Variants in SUPT3H observed in about 807,000 individuals in gnomAD.
The protein encoded by SUPT3H is SPT3 homolog, SAGA and STAGA complex component, also known as transcription initiation protein SPT3 homolog.
In SUPT3H, 44 loss-of-function variants were observed where a neutral mutation model predicts 44.3. The observed-to-expected ratio is 0.99, with a 90% CI of 0.78 to 1.28. SUPT3H has a LOEUF of 1.28. Among genes scored for constraint, SUPT3H ranks in the 50% most tolerant of loss-of-function variants. The probability of loss-of-function intolerance (pLI) is 0.00; values close to 1 mark genes in which losing one functional copy is unlikely to be tolerated. For missense variants in SUPT3H, 380 were observed against 387.1 expected, an observed-to-expected ratio of 0.98 and a Z score of 0.15; for synonymous variants, 124 against 125.6, an observed-to-expected ratio of 0.99 and a Z score of 0.09.
At chr6:44,917,552 T>C (rs1768006560) in intron 10 of SUPT3H, among the ~76,000 whole-genome samples, 1 of 152,164 alleles carries the variant, frequency 6.6e-6, no homozygotes, top group Admixed American at 6.5e-5. Context: ...GCCATGACTG[T>C]CTAAACATGC....
intron 6 of SUPT3H, among the ~76,000 whole-genome samples, chr6:45,000,690 C>T (rs1781899381): frequency 6.6e-6 from 1 of 152,060 alleles, no homozygotes. Context: ...TTTAAGCTGC[C>T]TTAAATGTTA....
At chr6:45,289,969 G>A (rs1188683321) in intron 2 of SUPT3H, among the ~76,000 whole-genome samples, 2 of 152,152 alleles carry the variant, frequency 1.3e-5, no homozygotes, top group African/African-American at 2.4e-5. Flanking sequence ...GACTGCTTGA[G>A]CCCAGGAGTT....
intron 10 of SUPT3H, among the ~76,000 whole-genome samples, chr6:44,906,143 T>C (rs1452999928): frequency 6.6e-6 from 1 of 152,222 alleles, no homozygotes; most frequent in Non-Finnish European, 1.5e-5. Context: ...CTGCACATTG[T>C]GCACATGTAC....
chr6:45,177,168 T>C (rs1812104258), intron 2 of SUPT3H, among the ~76,000 whole-genome samples: 1 of 152,090 alleles, frequency 6.6e-6, no homozygotes, highest in South Asian at 2.1e-4. Context: ...TTGAAAACTT[T>C]GAAAAAAATT....
intron 2 of SUPT3H, among the ~76,000 whole-genome samples, chr6:45,306,392 T>C (rs1418256845): frequency 1.3e-5 from 2 of 152,198 alleles, no homozygotes; most frequent in South Asian, 2.1e-4. Context: ...TATTGGCCAC[T>C]GAGCATCCCT....
Position 44,955,076 on chromosome 6 carries a change from C to G in SUPT3H, c.581-469G>C, listed in dbSNP as rs148404313. 5.8e-4 allele frequency: 93 copies of G among 159,414 alleles called. 2 individuals carry two copies. The East Asian group carries it at 0.016, about 27-fold the overall frequency. The allele number at this position is 159,414 out of a possible 1,614,324, so 9.9% of individuals were successfully genotyped here. A position where few individuals can be genotyped will look rare whatever the true frequency, so the allele number is the denominator to read the frequency against. On this transcript the variant is annotated intron_variant, in intron 7 of 10. Coordinates refer to ENST00000371459, the MANE Select transcript of SUPT3H (RefSeq NM_003599.4). Reference sequence around the variant, plus strand: ...TGCTAATATTTTTCAAAAATATTCTCTAGTCTCAGAAGAAAATGGCACATA... The same window carrying G: ...TGCTAATATTTTTCAAAAATATTCTGTAGTCTCAGAAGAAAATGGCACATA...
Position 45,334,940 on chromosome 6 carries a change from C to G in SUPT3H, c.101+30261G>C, listed in dbSNP as rs191858272. On this transcript the variant is annotated intron_variant, in intron 2 of 10. Coordinates refer to ENST00000371459, the MANE Select transcript of SUPT3H (RefSeq NM_003599.4). ...TTATAAAATCCAAAGATGTTATTTT[C>G]CAGTTATAAACTTAAGTAACAATAA... Among the ~76,000 whole-genome samples, 24 of 151,210 alleles carry G rather than the reference C, an allele frequency of 1.6e-4. No homozygotes were observed. In the East Asian group the frequency reaches 3.7e-3, roughly 23 times the overall value.
intron 2 of SUPT3H, among the ~76,000 whole-genome samples, chr6:45,236,963 C>CA (rs1769285002): frequency 1.3e-5 from 2 of 152,146 alleles, no homozygotes. Context: ...CAAGTACAAA[C>CA]AGGAGTCATT....
intron 10 of SUPT3H, among the ~76,000 whole-genome samples, chr6:44,890,620 AGG>A (rs1332170435): frequency 2.5e-5 from 1 of 40,704 alleles, no homozygotes. Flanking sequence ...GGGGTGGGGG[AGG>A]GGGGAGGGAT....
At chr6:45,232,784 G>C (rs890390680) in intron 2 of SUPT3H, among the ~76,000 whole-genome samples, 4 of 152,084 alleles carry the variant, frequency 2.6e-5, no homozygotes, top group Non-Finnish European at 5.9e-5. Context: ...ATAAGGGTTA[G>C]GGGGAGGCAC....
chr6:45,238,415 C>A (rs577295898), intron 2 of SUPT3H, among the ~76,000 whole-genome samples: 42 of 152,292 alleles, frequency 2.8e-4, no homozygotes, highest in African/African-American at 9.6e-4. Flanking sequence ...TTGGATATGA[C>A]CTGCTCTAGG....
chr6:44,842,135 T>G (rs1214073812), intron 10 of SUPT3H, among the ~76,000 whole-genome samples: 1 of 152,164 alleles, frequency 6.6e-6, no homozygotes, highest in Non-Finnish European at 1.5e-5. Context: ...GTGTGGGTGC[T>G]GAAATTGTGT....
At chr6:44,855,476 T>C (rs1352281206) in intron 10 of SUPT3H, among the ~76,000 whole-genome samples, 1 of 152,184 alleles carries the variant, frequency 6.6e-6, no homozygotes, top group Non-Finnish European at 1.5e-5. Context: ...ATTCATAGAA[T>C]GGTTTCTTCA....
intron 9 of SUPT3H, among the ~76,000 whole-genome samples, chr6:44,938,529 T>C (rs1474144045): frequency 6.6e-6 from 1 of 152,222 alleles, no homozygotes; most frequent in Non-Finnish European, 1.5e-5. Context: ...TTTGTTGTTT[T>C]TGCTTAAGAT....
At chr6:45,236,445 G>A (rs904175231) in intron 2 of SUPT3H, among the ~76,000 whole-genome samples, 1 of 152,132 alleles carries the variant, frequency 6.6e-6, no homozygotes, top group Non-Finnish European at 1.5e-5. Context: ...TGATGATGAG[G>A]AGGAAGGAGA....
rs146028130 is a variant in SUPT3H at position 44,912,932 on chromosome 6, A to C, written c.912+19721T>G. 4.8e-3 allele frequency among the ~76,000 whole-genome samples: 724 copies of C among 152,282 alleles called. 4 individuals are homozygous for C. The highest frequency in any genetic ancestry group is 0.017 in the African/African-American group (691 of 41,558). Reference sequence around the variant, plus strand: ...AATATTGCACTGATAATACACTAGGAATTCAAAATTATTGTCGATTCATTG... The same window carrying C: ...AATATTGCACTGATAATACACTAGGCATTCAAAATTATTGTCGATTCATTG... On this transcript the variant is annotated intron_variant, in intron 10 of 10. Transcript: ENST00000371459.
chr6:45,051,750 T>G (rs531171938), intron 3 of SUPT3H, among the ~76,000 whole-genome samples: 17 of 152,156 alleles, frequency 1.1e-4, no homozygotes, highest in Middle Eastern at 3.4e-3. Flanking sequence ...AGGCCAAGGG[T>G]ACTAAGTACA....
At chr6:45,338,677 A>G (rs1397764055) in intron 2 of SUPT3H, among the ~76,000 whole-genome samples, 2 of 152,156 alleles carry the variant, frequency 1.3e-5, no homozygotes, top group Non-Finnish European at 2.9e-5. Flanking sequence ...ACTGGGCAAT[A>G]TAAATTTGGG....
intron 2 of SUPT3H, among the ~76,000 whole-genome samples, chr6:45,147,023 T>C (rs1583829705): frequency 6.6e-6 from 1 of 152,226 alleles, no homozygotes; most frequent in East Asian, 1.9e-4. Context: ...TTCTAGACAC[T>C]TTACCAGTAA....
Sources: gnomAD v4.1 joint callset for allele counts (sites outside exome capture counted in the v4.1 genomes callset) on GRCh38, gnomAD v4.1.1 for gene constraint, MANE v1.5 for transcripts, NCBI Gene and HGNC (gene_info 2026-07-23, HGNC 2026-07-21) for gene names.